PLXDC2: variants seen among roughly 807,000 people sequenced by gnomAD.
The protein encoded by PLXDC2 is plexin domain-containing protein 2.
Under a neutral mutation model 68.9 loss-of-function variants are expected in PLXDC2, and 40 were observed. The observed-to-expected ratio is 0.58, with a 90% CI of 0.45 to 0.76. The LOEUF is 0.76. Among genes scored for constraint, PLXDC2 ranks in the 30% least tolerant of loss-of-function variants. The pLI, the probability that PLXDC2 is intolerant of heterozygous loss-of-function variation, is 0.00. For synonymous variants in PLXDC2, 243 were observed against 234.2 expected, an observed-to-expected ratio of 1.04 and a Z score of -0.34; for missense variants, 644 against 661.9, an observed-to-expected ratio of 0.97 and a Z score of 0.30.
At position 19,902,241 on chromosome 10, in the gene PLXDC2, A is replaced by C. The variant is rs138074984; in HGVS notation, c.112+85050A>C. Among the ~76,000 whole-genome samples, 882 of 152,054 alleles carry C rather than the reference A, an allele frequency of 5.8e-3. 3 individuals carry two copies. The highest frequency in any genetic ancestry group is 0.019 in the African/African-American group (808 of 41,444). On this transcript the variant is annotated intron_variant, in intron 1 of 13. Coordinates refer to ENST00000377252, the MANE Select transcript of PLXDC2 (RefSeq NM_032812.9). Reference sequence around the variant, plus strand: ...CAGTATTTTGATGGGAATTGCATTAAATTTGTAGATTGCTTTTGGCAGTAT... The same window carrying C: ...CAGTATTTTGATGGGAATTGCATTACATTTGTAGATTGCTTTTGGCAGTAT...
chr10:20,221,094 C>T (rs770577054), intron 12 of PLXDC2, among the ~76,000 whole-genome samples: 1 of 151,970 alleles, frequency 6.6e-6, no homozygotes, highest in Non-Finnish European at 1.5e-5. Flanking sequence ...CCACCCGTCT[C>T]GACCTCCCAA....
chr10:20,071,037 A>G (rs933053273), intron 4 of PLXDC2: 2 of 152,150 alleles, frequency 1.3e-5, no homozygotes, highest in African/African-American at 2.4e-5. Context: ...ACTAATGTAA[A>G]GACACTCCTT....
chr10:20,021,675 T>A (rs942449350), intron 2 of PLXDC2, among the ~76,000 whole-genome samples: 4 of 147,768 alleles, frequency 2.7e-5, no homozygotes, highest in East Asian at 3.9e-4. Flanking sequence ...CACATTTTTT[T>A]TTATTATTTA....
chr10:19,859,958 G>C (rs1837288701), intron 1 of PLXDC2, among the ~76,000 whole-genome samples: 2 of 152,066 alleles, frequency 1.3e-5, no homozygotes, highest in African/African-American at 4.8e-5. Context: ...TCAAACTCCT[G>C]ATCTCAAGTG....
chr10:20,098,308 G>A (rs576884219), intron 4 of PLXDC2, among the ~76,000 whole-genome samples: 4 of 150,622 alleles, frequency 2.7e-5, no homozygotes, highest in East Asian at 2.0e-4. Context: ...CTCAAGACCT[G>A]TATCTTCTCT....
chr10:19,834,357 G>GTGTGTGTGTC (rs1210903012), intron 1 of PLXDC2, among the ~76,000 whole-genome samples: 1 of 151,554 alleles, frequency 6.6e-6, no homozygotes, highest in Admixed American at 6.6e-5. Context: ...GAGAGAGAGT[G>GTGTGTGTGTC]TGTGTGTGTC....
At chr10:20,185,040 C>T (rs939259723) in intron 9 of PLXDC2, among the ~76,000 whole-genome samples, 7 of 151,308 alleles carry the variant, frequency 4.6e-5, no homozygotes, top group Non-Finnish European at 8.8e-5. Flanking sequence ...GGACAAATAC[C>T]TAATGCATGC....
rs1156370622 is a variant in PLXDC2, at chr10:20,085,280, G to T, written c.541+17041G>T. Among the ~76,000 whole-genome samples the T allele has an allele frequency of 2.0e-5, 3 of 152,014 alleles. No homozygotes were observed. The East Asian group carries it at 5.8e-4, about 29-fold the overall frequency. ...TCTCAACAGTTTGTGTGCAGCAGGT[G>T]GCTAGCACAGAACTGATAAAATGTT... On this transcript the variant is annotated intron_variant, in intron 4 of 13. Transcript: ENST00000377252.
At chr10:20,121,711 G>A (rs1833699863) in intron 4 of PLXDC2, among the ~76,000 whole-genome samples, 1 of 152,148 alleles carries the variant, frequency 6.6e-6, no homozygotes, top group South Asian at 2.1e-4. Context: ...GTATGGGTTT[G>A]GCACCATGGG....
chr10:20,136,361 T>C (rs909816568), intron 4 of PLXDC2, among the ~76,000 whole-genome samples: 3 of 152,206 alleles, frequency 2.0e-5, no homozygotes, highest in Admixed American at 6.5e-5. Flanking sequence ...GACAAGTATT[T>C]GTATTAAAGA....
chr10:20,008,491 T>C (rs1835062390), intron 2 of PLXDC2, among the ~76,000 whole-genome samples: 1 of 152,096 alleles, frequency 6.6e-6, no homozygotes, highest in Non-Finnish European at 1.5e-5. Flanking sequence ...AGGCGGAAGT[T>C]GCAGTGAGCC....
At chr10:20,220,194 A>G (rs998684655) in intron 12 of PLXDC2, among the ~76,000 whole-genome samples, 1 of 152,196 alleles carries the variant, frequency 6.6e-6, no homozygotes, top group Non-Finnish European at 1.5e-5. Flanking sequence ...ATAGTTTTAG[A>G]AATGATCATC....
At chr10:20,242,734 G>A (rs1334213531) in intron 12 of PLXDC2, among the ~76,000 whole-genome samples, 3 of 152,102 alleles carry the variant, frequency 2.0e-5, no homozygotes, top group African/African-American at 7.2e-5. Flanking sequence ...TTTATGAGGT[G>A]GAGTCTCGCT....
At chr10:19,899,744 G>A (rs1391123898) in intron 1 of PLXDC2, among the ~76,000 whole-genome samples, 1 of 152,050 alleles carries the variant, frequency 6.6e-6, no homozygotes, top group African/African-American at 2.4e-5. Flanking sequence ...TACTAAATTA[G>A]CAGTATATAT....
rs771913862 is a variant in PLXDC2, at chr10:20,238,655, C to CAAA, written c.1313-6684_1313-6682dup. 2.5e-3 allele frequency among the ~76,000 whole-genome samples: 207 copies of CAAA among 82,636 alleles called. 5 individuals carry two copies. The highest frequency in any genetic ancestry group is 6.7e-3 in the African/African-American group (120 of 17,818). The allele number at this position is 82,636 out of a possible 152,430, so 54.2% of individuals were successfully genotyped here. The stretch of plus-strand genomic sequence containing the variant: ...GTGAGAACAGAGAAAGACTCCATCT[C>CAAA]AAAAAAAATATATATATATATGTAT... On this transcript the variant is annotated intron_variant, in intron 12 of 13. Transcript: ENST00000377252.
chr10:19,942,740 C>G (rs1380101997), intron 1 of PLXDC2, among the ~76,000 whole-genome samples: 3 of 152,124 alleles, frequency 2.0e-5, no homozygotes, highest in South Asian at 4.1e-4. Flanking sequence ...GTACTCCAAC[C>G]TGAGTGATAG....
intron 7 of PLXDC2, among the ~76,000 whole-genome samples, chr10:20,175,278 T>A (rs895448665): frequency 1.3e-5 from 2 of 152,166 alleles, no homozygotes; most frequent in African/African-American, 4.8e-5. Context: ...TATCCCTGTT[T>A]TATAGATAAG....
chr10:20,264,425 C>G (rs1454567206), intron 13 of PLXDC2, among the ~76,000 whole-genome samples: 1 of 152,072 alleles, frequency 6.6e-6, no homozygotes, highest in Non-Finnish European at 1.5e-5. Flanking sequence ...ATGTGTTTAT[C>G]TGTGTAACAA....
At chr10:20,089,142 G>A (rs550351620) in intron 4 of PLXDC2, among the ~76,000 whole-genome samples, 29 of 149,182 alleles carry the variant, frequency 1.9e-4, no homozygotes, top group Admixed American at 8.7e-4. Flanking sequence ...AAGGTCTGCT[G>A]TTAAATTAAA....
Sources: gnomAD v4.1 joint callset for allele counts (sites outside exome capture counted in the v4.1 genomes callset) on GRCh38, gnomAD v4.1.1 for gene constraint, MANE v1.5 for transcripts, NCBI Gene and HGNC (gene_info 2026-07-23, HGNC 2026-07-21) for gene names.